TP73: variants seen among roughly 807,000 people sequenced by gnomAD.
TP73 encodes the protein tumor protein p73, also known as p53-like transcription factor.
In TP73, 25 loss-of-function variants were observed where a neutral mutation model predicts 62.5. The observed-to-expected ratio is 0.40, with a 90% CI of 0.29 to 0.56. The LOEUF (loss-of-function observed/expected upper bound fraction) is 0.56, where lower values mean the gene tolerates loss of function less well. Among genes scored for constraint, TP73 ranks in the 20% least tolerant of loss-of-function variants. The pLI, the probability that TP73 is intolerant of heterozygous loss-of-function variation, is 0.46. For synonymous variants in TP73, 423 were observed against 377.5 expected, an observed-to-expected ratio of 1.12 and a Z score of -1.40; for missense variants, 754 against 913.3, an observed-to-expected ratio of 0.83 and a Z score of 2.25.
intron 3 of TP73, chr1:3,690,769 A>T (rs1645795758): frequency 6.8e-7 from 1 of 1,480,462 alleles, no homozygotes. Context: ...CTGCCTCACT[A>T]GCTGCGGAGC....
intron 4 of TP73, among the ~76,000 whole-genome samples, chr1:3,720,696 C>G (rs532523519): frequency 1.3e-5 from 2 of 152,246 alleles, no homozygotes; most frequent in Non-Finnish European, 1.5e-5. Flanking sequence ...TTTTCGTGTG[C>G]CTGCACCTGC....
At chr1:3,664,796 C>G (rs557841814) in intron 1 of TP73, among the ~76,000 whole-genome samples, 108 of 152,254 alleles carry the variant, frequency 7.1e-4, no homozygotes, top group Non-Finnish European at 1.4e-3. Flanking sequence ...TGCAGAAAAC[C>G]CAGCCACCCT....
chr1:3,665,836 T>TG (rs1645100438), intron 1 of TP73, among the ~76,000 whole-genome samples: 1 of 147,934 alleles, frequency 6.8e-6, no homozygotes, highest in Admixed American at 6.7e-5. Context: ...TTTTTTTTTT[T>TG]TTTTAAGAGA....
intron 1 of TP73, among the ~76,000 whole-genome samples, chr1:3,667,916 C>G (rs541045817): frequency 1.3e-5 from 2 of 152,324 alleles, no homozygotes; most frequent in Admixed American, 1.3e-4. Context: ...AAAAATTCTC[C>G]TTGAACTCCC....
In TP73 at chr1:3,657,798, G is replaced by A. The variant is rs865855344; in HGVS notation, c.-34+5157G>A. ...TCTCCCCCAGCACCTCCCGCCTGGC[G>A]CCTCCTCCACAGCCCCTGCATCCTG... is the stretch of plus-strand genomic sequence containing the variant. On this transcript the variant is annotated intron_variant, in intron 1 of 13. Transcript: ENST00000378295. Among the ~76,000 whole-genome samples, 7 of 152,286 alleles carry A rather than the reference G, an allele frequency of 4.6e-5. 1 individual carries two copies. The South Asian group carries it at 1.5e-3, about 32-fold the overall frequency.
chr1:3,693,541 C>T (rs944228675), intron 3 of TP73, among the ~76,000 whole-genome samples: 13 of 152,166 alleles, frequency 8.5e-5, no homozygotes, highest in Non-Finnish European at 1.9e-4. Flanking sequence ...TGACGCCGCT[C>T]TCTGAGCCTC....
rs117868534 is a variant in TP73, at chr1:3,730,720, C to T, written c.1346-207C>T. 5.1e-3 allele frequency among the ~76,000 whole-genome samples: 774 copies of T among 152,326 alleles called. 18 individuals are homozygous for T. The highest frequency in any genetic ancestry group is 0.048 in the East Asian group (248 of 5,178). ...CCAGTGCCCCGTACGCACGGTCACCCCCGTCCCTACTAGGCGGGGCGAGGA... is the reference window on the plus strand; with the variant it reads ...CCAGTGCCCCGTACGCACGGTCACCTCCGTCCCTACTAGGCGGGGCGAGGA... On this transcript the variant is annotated intron_variant, in intron 11 of 13. Transcript: ENST00000378295.
Position 3,656,582 on chromosome 1 carries a change from G to A in TP73, c.-34+3941G>A, listed in dbSNP as rs774720575. 2.2e-4 allele frequency among the ~76,000 whole-genome samples: 34 copies of A among 152,200 alleles called. 1 individual carries two copies. Among genetic ancestry groups the A allele is most frequent in the Non-Finnish European group, 4.0e-4 (27 of 68,050 alleles). On this transcript the variant is annotated intron_variant, in intron 1 of 13. Coordinates refer to ENST00000378295, the MANE Select transcript of TP73 (RefSeq NM_005427.4). ...AGATGAGGAAACTGAGGCTTCAACT[G>A]GCTATTCTACTTGCACAGGGTCACA... is the stretch of plus-strand genomic sequence containing the variant.
chr1:3,714,958 G>A (rs1400814077), intron 4 of TP73, among the ~76,000 whole-genome samples: 1 of 152,254 alleles, frequency 6.6e-6, no homozygotes, highest in East Asian at 1.9e-4. Context: ...GACAGTGATA[G>A]TAGCAGCCAC....
At chr1:3,665,819 C>CTT (rs140454580) in intron 1 of TP73, among the ~76,000 whole-genome samples, 8,663 of 96,888 alleles carry the variant, frequency 0.089, 758 homozygotes, top group African/African-American at 0.18. Context: ...CGTGCCCGGC[C>CTT]TTTTTTTTTT....
At chr1:3,720,818 G>A (rs528006117) in intron 4 of TP73, among the ~76,000 whole-genome samples, 1 of 152,368 alleles carries the variant, frequency 6.6e-6, no homozygotes, top group East Asian at 1.9e-4. Flanking sequence ...CCTTGGCAAA[G>A]GGAAGACTCC....
intron 1 of TP73, among the ~76,000 whole-genome samples, chr1:3,669,720 G>A (rs773865343): frequency 2.4e-4 from 37 of 152,352 alleles, no homozygotes; most frequent in Middle Eastern, 3.4e-3. Context: ...TGACGTGGAC[G>A]GCAGGAAGGG....
chr1:3,671,638 G>T (rs1032771456), intron 1 of TP73, among the ~76,000 whole-genome samples: 1 of 152,252 alleles, frequency 6.6e-6, no homozygotes, highest in Non-Finnish European at 1.5e-5. Flanking sequence ...TGAGATGTGC[G>T]GCCCTGGGCA....
intron 1 of TP73, among the ~76,000 whole-genome samples, chr1:3,679,253 C>T (rs1332508160): frequency 1.3e-5 from 2 of 152,186 alleles, no homozygotes; most frequent in East Asian, 1.9e-4. Flanking sequence ...CAGCCAACGC[C>T]CATGTCCCAG....
chr1:3,712,708 A>T (rs61568045), intron 4 of TP73, among the ~76,000 whole-genome samples: 24,416 of 152,238 alleles, frequency 0.16, 2,113 homozygotes, highest in African/African-American at 0.18. Flanking sequence ...ATGTCTGATT[A>T]GTAGCGTTGG....
chr1:3,669,039 C>T (rs1015419892), intron 1 of TP73, among the ~76,000 whole-genome samples: 1 of 152,234 alleles, frequency 6.6e-6, no homozygotes, highest in African/African-American at 2.4e-5. Context: ...CGCCTAGTTT[C>T]GCAACTCCAA....
At chr1:3,659,315 C>T (rs2208992) in intron 1 of TP73, 75,149 of 152,056 alleles carry the variant, frequency 0.49, 19,944 homozygotes, top group South Asian at 0.6. Flanking sequence ...GGGCGGCCCA[C>T]GCAGCAACAG....
At chr1:3,687,211 G>A (rs193010210) in intron 3 of TP73, among the ~76,000 whole-genome samples, 7 of 152,294 alleles carry the variant, frequency 4.6e-5, no homozygotes, top group Non-Finnish European at 4.4e-5. Context: ...CCTGTGGCCC[G>A]GGCCTCCCCA....
rs560401998 is a variant in TP73 at position 3,729,836 on chromosome 1, G to A, written c.1197-164G>A. Reference sequence around the variant, plus strand: ...CTTCTCAGGCGCAGGCCCAGTGGCCGTGCATGGCCATGGTTGGGGACAGGG... The same window carrying A: ...CTTCTCAGGCGCAGGCCCAGTGGCCATGCATGGCCATGGTTGGGGACAGGG... On this transcript the variant is annotated intron_variant, in intron 10 of 13. Coordinates refer to ENST00000378295, the MANE Select transcript of TP73 (RefSeq NM_005427.4). 101 of 1,070,122 alleles carry A rather than the reference G, an allele frequency of 9.4e-5. No homozygotes were observed. The East Asian group carries it at 2.1e-3, about 22-fold the overall frequency. 66.3% of individuals were successfully genotyped at this position (1,070,122 alleles called of 1,614,324 possible). A position where few individuals can be genotyped will look rare whatever the true frequency, so the allele number is the denominator to read the frequency against.
Sources: allele counts gnomAD v4.1 joint callset (sites outside exome capture counted in the v4.1 genomes callset), GRCh38; gene constraint gnomAD v4.1.1; transcripts MANE v1.5; gene names NCBI Gene and HGNC (gene_info 2026-07-23, HGNC 2026-07-21).